The following RBM28 variants were observed in gnomAD, a reference collection of about 807,000 sequenced individuals.
RBM28 encodes the protein RNA binding motif protein 28.
In RBM28, 78 loss-of-function variants were observed where a neutral mutation model predicts 98.3. The observed-to-expected ratio is 0.79, with a 90% confidence interval of 0.66 to 0.96. The LOEUF is 0.96. RBM28 is among the 40% of genes least tolerant of loss of function. RBM28 has a pLI of 0.00. For missense variants in RBM28, 838 were observed against 913.0 expected, an observed-to-expected ratio of 0.92 and a Z score of 1.06; for synonymous variants, 306 against 330.9, an observed-to-expected ratio of 0.92 and a Z score of 0.82.
Position 128,330,327 on chromosome 7 carries a change from A to G in RBM28, c.1129+492T>C, listed in dbSNP as rs181307490. Reference sequence around the variant, plus strand: ...AAATTATGGCTAGCAGCACCATTAAAGATGCTGAGTGTGACACCATTAAAG... The same window carrying G: ...AAATTATGGCTAGCAGCACCATTAAGGATGCTGAGTGTGACACCATTAAAG... On this transcript the variant is annotated intron_variant, in intron 10 of 18. Coordinates refer to ENST00000223073, the MANE Select transcript of RBM28 (RefSeq NM_018077.3). Among the ~76,000 whole-genome samples the G allele has an allele frequency of 2.0e-4, 31 of 151,618 alleles. 1 individual carries two copies. In the East Asian group the frequency reaches 6.0e-3, roughly 29 times the overall value.
At position 128,313,285 on chromosome 7, in the gene RBM28, A is replaced by G. The variant is rs377615348; in HGVS notation, c.2046-11T>C. The stretch of plus-strand genomic sequence containing the variant: ...CCTTTGTCCCGCAACCTGAAATAAC[A>G]TGGCTGAGTGTCACCTTGAGTCCTT... On this transcript the variant is annotated splice_polypyrimidine_tract_variant and intron_variant, in intron 17 of 18. Transcript: ENST00000223073. 8 of 1,611,480 alleles carry G rather than the reference A, an allele frequency of 5.0e-6. No homozygotes were observed. Among genetic ancestry groups the G allele is most frequent in the Non-Finnish European group, 5.9e-6 (7 of 1,177,602 alleles).
chr7:128,331,704 G>A (rs1055058523), intron 9 of RBM28, among the ~76,000 whole-genome samples: 1 of 151,374 alleles, frequency 6.6e-6, no homozygotes, highest in African/African-American at 2.4e-5. Flanking sequence ...TACTTCTCTC[G>A]ATGGGATTAA....
Position 128,330,144 on chromosome 7 carries a change from C to T in RBM28, c.1129+675G>A, listed in dbSNP as rs141113594. The stretch of plus-strand genomic sequence containing the variant: ...AACAGAGTTTTTCTGTCAGCTTCTA[C>T]CTCTAACAAAAGCAACAGGAAAAAA... On this transcript the variant is annotated intron_variant, in intron 10 of 18. Coordinates refer to ENST00000223073, the MANE Select transcript of RBM28 (RefSeq NM_018077.3). Among the ~76,000 whole-genome samples the T allele has an allele frequency of 3.0e-3, 455 of 151,998 alleles. 6 individuals carry two copies. The highest frequency in any genetic ancestry group is 0.011 in the African/African-American group (439 of 41,496).
intron 5 of RBM28, among the ~76,000 whole-genome samples, chr7:128,337,759 T>C (rs1473720167): frequency 2.0e-5 from 3 of 152,090 alleles, no homozygotes; most frequent in Non-Finnish European, 2.9e-5. Context: ...GGTTTCGCCA[T>C]GTTGACCAGG....
intron 8 of RBM28, among the ~76,000 whole-genome samples, 169 bp downstream of exon 8, chr7:128,335,374 C>A (rs891447013): frequency 6.6e-6 from 1 of 152,110 alleles, no homozygotes; most frequent in Non-Finnish European, 1.5e-5. Flanking sequence ...AACAAAAAAA[C>A]CTTTGGAAGA....
intron 18 of RBM28, 53 bp from the exon 19 acceptor site, chr7:128,310,984 T>C: frequency 1.9e-6 from 3 of 1,568,410 alleles, no homozygotes; most frequent in Non-Finnish European, 1.8e-6. Flanking sequence ...AGACTATATA[T>C]CACCTTACCC....
intron 9 of RBM28, among the ~76,000 whole-genome samples, chr7:128,331,907 G>T (rs1205215330): frequency 1.3e-5 from 2 of 151,834 alleles, no homozygotes; most frequent in African/African-American, 2.4e-5. Flanking sequence ...AGATAAAAAA[G>T]GTTTTCTGCA....
At chr7:128,324,432 A>T (rs1243578794) in intron 12 of RBM28, 127 bp downstream of exon 12, 1 of 1,338,218 alleles carries the variant, frequency 7.5e-7, no homozygotes, top group Non-Finnish European at 1.1e-6. Context: ...GAATGATCAT[A>T]TAACACTGTT....
At chr7:128,324,843 G>A (rs752795187) in intron 11 of RBM28, 149 bp from the exon 12 acceptor site, 35 of 1,074,596 alleles carry the variant, frequency 3.3e-5, no homozygotes, top group South Asian at 2.0e-4. Context: ...GTGAAACCTC[G>A]TCTCTACTAA....
intron 10 of RBM28, 47 bp from the exon 11 acceptor site, chr7:128,325,938 A>G (rs754865022): frequency 1.4e-6 from 2 of 1,457,848 alleles, no homozygotes; most frequent in African/African-American, 2.8e-5. Flanking sequence ...TCCCACAGAT[A>G]AACCAAAGAC....
At chr7:128,313,762 T>G (rs1796041126) in intron 17 of RBM28, among the ~76,000 whole-genome samples, 2 of 152,248 alleles carry the variant, frequency 1.3e-5, no homozygotes. Flanking sequence ...ATCCCCTCAG[T>G]GCTGTTCTCG....
rs1796069560 is a variant in RBM28 at position 128,314,751 on chromosome 7, T to C, written c.2045+13A>G. Reference sequence around the variant, plus strand: ...CACCCACTGTTCTGTGCTTCTGCCCTCCTGCATCTCACCTGATTTTGGGGC... The same window carrying C: ...CACCCACTGTTCTGTGCTTCTGCCCCCCTGCATCTCACCTGATTTTGGGGC... On this transcript the variant is annotated intron_variant, in intron 17 of 18. Transcript: ENST00000223073. 3 of 1,614,222 alleles carry C rather than the reference T, an allele frequency of 1.9e-6. No homozygotes were observed. Among genetic ancestry groups the C allele is most frequent in the Non-Finnish European group, 2.5e-6 (3 of 1,180,032 alleles).
intron 1 of RBM28, chr7:128,341,049 G>A: frequency 1.1e-6 from 1 of 934,908 alleles, no homozygotes; most frequent in Non-Finnish European, 1.5e-6. Flanking sequence ...TTAACATTTT[G>A]TATAGTAAAA....
intron 9 of RBM28, 93 bp downstream of exon 9, chr7:128,333,197 C>A (rs902941374): frequency 4.1e-6 from 4 of 967,844 alleles, no homozygotes; most frequent in Non-Finnish European, 6.7e-6. Context: ...AATTTCTGGG[C>A]TAGGTAACAG....
At chr7:128,339,467 C>T (rs1305498534) in intron 2 of RBM28, 146 bp from the exon 3 acceptor site, 2 of 1,178,188 alleles carry the variant, frequency 1.7e-6, no homozygotes, top group African/African-American at 3.1e-5. Flanking sequence ...CAGATTTTTC[C>T]AAAGAACTAA....
intron 10 of RBM28, among the ~76,000 whole-genome samples, chr7:128,330,371 CT>C (rs72352301): frequency 0.035 from 2,950 of 83,378 alleles, 46 homozygotes; most frequent in African/African-American, 0.1. Context: ...GTCCCTGGTC[CT>C]TTTTTTTTTT....
chr7:128,316,386 C>T (rs1796108114), intron 16 of RBM28, among the ~76,000 whole-genome samples: 2 of 152,244 alleles, frequency 1.3e-5, no homozygotes, highest in East Asian at 1.9e-4. Flanking sequence ...GAATATAAAT[C>T]CAGGCAACAA....
At chr7:128,333,258 G>A (rs199703394) in intron 9 of RBM28, 32 bp downstream of exon 9, 59 of 1,520,554 alleles carry the variant, frequency 3.9e-5, no homozygotes, top group East Asian at 3.6e-4. Flanking sequence ...TGAAGACCAC[G>A]CAAAAGCAAT....
At chr7:128,333,141 A>T (rs1796520041) in intron 9 of RBM28, 149 bp downstream of exon 9, 1 of 701,986 alleles carries the variant, frequency 1.4e-6, no homozygotes, top group African/African-American at 1.8e-5. Flanking sequence ...ATTGTCCTAC[A>T]TTTCTCATTG....
Sources: allele counts gnomAD v4.1 joint callset (sites outside exome capture counted in the v4.1 genomes callset), GRCh38; gene constraint gnomAD v4.1.1; transcripts MANE v1.5; gene names NCBI Gene and HGNC (gene_info 2026-07-23, HGNC 2026-07-21).